Variants in PABPC4L observed in about 807,000 individuals in gnomAD.
PABPC4L encodes polyadenylate-binding protein 4-like.
For missense variants in PABPC4L, 452 were observed against 451.4 expected (o/e 1.00, Z -0.01); for synonymous variants, 169 against 164.1 (o/e 1.03, Z -0.23).
chr4:134,016,874 G>T, the PABPC4L span, among the ~76,000 whole-genome samples: 1 of 152,024 alleles, frequency 6.6e-6, no homozygotes, highest in African/African-American at 2.4e-5. Flanking sequence ...TCAAGCTCGG[G>T]GATTTGTCCC....
the PABPC4L span, among the ~76,000 whole-genome samples, chr4:134,030,179 C>A: frequency 6.6e-6 from 1 of 151,826 alleles, no homozygotes; most frequent in Non-Finnish European, 1.5e-5. Flanking sequence ...TAAATTGGTA[C>A]TGGGTGGGGT....
the PABPC4L span, among the ~76,000 whole-genome samples, chr4:134,152,855 T>A: frequency 6.6e-6 from 1 of 152,066 alleles, no homozygotes; most frequent in African/African-American, 2.4e-5. Flanking sequence ...CTGGTGAGGG[T>A]CTCAGATTGC....
chr4:133,955,534 AT>A, the PABPC4L span, among the ~76,000 whole-genome samples: 2 of 152,142 alleles, frequency 1.3e-5, no homozygotes, highest in African/African-American at 4.8e-5. Context: ...TACATTTTAC[AT>A]GTATTTCTAT....
the PABPC4L span, among the ~76,000 whole-genome samples, chr4:134,076,277 G>A: frequency 2.0e-5 from 3 of 152,268 alleles, no homozygotes; most frequent in African/African-American, 7.2e-5. Flanking sequence ...TTAGAAGAGA[G>A]GCTGGGTTAA....
chr4:134,172,558 C>A, the PABPC4L span, among the ~76,000 whole-genome samples: 1 of 152,172 alleles, frequency 6.6e-6, no homozygotes, highest in Non-Finnish European at 1.5e-5. Context: ...TATATAAATT[C>A]TTGGAGATAA....
At chr4:134,121,606 C>T in the PABPC4L span, among the ~76,000 whole-genome samples, 3 of 151,776 alleles carry the variant, frequency 2.0e-5, no homozygotes, top group Admixed American at 1.3e-4. Flanking sequence ...TCACTATCCA[C>T]TCTCCAAGGT....
At chr4:133,989,521 T>G in the PABPC4L span, among the ~76,000 whole-genome samples, 1 of 152,316 alleles carries the variant, frequency 6.6e-6, no homozygotes, top group African/African-American at 2.4e-5. Context: ...TCATTGTCCA[T>G]ATGACTTTCA....
At chr4:134,172,592 T>C in the PABPC4L span, among the ~76,000 whole-genome samples, 3 of 152,086 alleles carry the variant, frequency 2.0e-5, no homozygotes, top group Admixed American at 1.3e-4. Context: ...ATTCTGGACA[T>C]AAGTCCTGGC....
chr4:134,097,715 C>G, the PABPC4L span, among the ~76,000 whole-genome samples: 2 of 151,860 alleles, frequency 1.3e-5, no homozygotes, highest in Non-Finnish European at 2.9e-5. Context: ...AATCACGACT[C>G]GACTCTAACA....
At chr4:134,045,003 G>A in the PABPC4L span, among the ~76,000 whole-genome samples, 1 of 152,044 alleles carries the variant, frequency 6.6e-6, no homozygotes, top group Admixed American at 6.6e-5. Context: ...TTAATGGCTG[G>A]GTTAAGGTTG....
chr4:134,163,430 A>G, the PABPC4L span, among the ~76,000 whole-genome samples: 1 of 152,188 alleles, frequency 6.6e-6, no homozygotes, highest in African/African-American at 2.4e-5. Context: ...CAGACATTCA[A>G]ATAATTGGTA....
chr4:134,050,706 C>CAAAAAAAAAAAAAAAAAAAAAAA, the PABPC4L span, among the ~76,000 whole-genome samples: 1 of 83,018 alleles, frequency 1.2e-5, no homozygotes. Flanking sequence ...CACCGTCTCC[C>CAAAAAAAAAAAAAAAAAAAAAAA]AAAAAAAAAA....
chr4:134,188,838 T>C, the PABPC4L span, among the ~76,000 whole-genome samples: 5 of 152,100 alleles, frequency 3.3e-5, no homozygotes, highest in African/African-American at 1.2e-4. Flanking sequence ...GAATCTGTTG[T>C]CTGATGTTAA....
At chr4:134,088,203 C>T in the PABPC4L span, among the ~76,000 whole-genome samples, 1 of 152,048 alleles carries the variant, frequency 6.6e-6, no homozygotes, top group East Asian at 1.9e-4. Flanking sequence ...GAGCCCTCCT[C>T]TCCAGTTATA....
At chr4:134,118,811 C>G in the PABPC4L span, among the ~76,000 whole-genome samples, 31 of 151,880 alleles carry the variant, frequency 2.0e-4, no homozygotes, top group Middle Eastern at 3.4e-3. Context: ...CATTTACCAT[C>G]TGCTTTTAAA....
chr4:134,066,195 T>C, the PABPC4L span, among the ~76,000 whole-genome samples: 1 of 151,290 alleles, frequency 6.6e-6, no homozygotes, highest in African/African-American at 2.4e-5. Flanking sequence ...GCTTTGAGAG[T>C]TTTGTTCATG....
At chr4:133,978,034 A>T in the PABPC4L span, 3 of 152,312 alleles carry the variant, frequency 2.0e-5, no homozygotes, top group Admixed American at 2.0e-4. Context: ...GAACTGGATT[A>T]CCTGGACATC....
chr4:134,142,401 G>T, the PABPC4L span, among the ~76,000 whole-genome samples: 1 of 151,554 alleles, frequency 6.6e-6, no homozygotes, highest in Non-Finnish European at 1.5e-5. Flanking sequence ...TTATAAATCC[G>T]TGGGAACTCT....
At chr4:134,104,154 C>T in the PABPC4L span, among the ~76,000 whole-genome samples, 1 of 151,676 alleles carries the variant, frequency 6.6e-6, no homozygotes, top group Non-Finnish European at 1.5e-5. Context: ...TCAAACAAAC[C>T]GCTGGTCTCC....
Sources: allele counts gnomAD v4.1 joint callset (sites outside exome capture counted in the v4.1 genomes callset), GRCh38; gene constraint gnomAD v4.1.1; transcripts MANE v1.5; gene names NCBI Gene and HGNC (gene_info 2026-07-23, HGNC 2026-07-21).